Variants in DGKB observed in about 807,000 individuals in gnomAD.
DGKB encodes 90 kDa diacylglycerol kinase.
In DGKB, 67 loss-of-function variants were observed where a neutral mutation model predicts 114.3. The ratio of observed to expected loss-of-function variants is 0.59; its 90% CI spans 0.48 to 0.72. DGKB has a LOEUF of 0.72. DGKB is among the 30% of genes least tolerant of loss of function. DGKB has a pLI of 0.00. For synonymous variants in DGKB, 398 were observed against 323.1 expected (o/e 1.23, Z -2.49); for missense variants, 907 against 975.2 (o/e 0.93, Z 0.93).
intron 1 of DGKB, among the ~76,000 whole-genome samples, chr7:14,861,298 AT>A (rs985008447): frequency 1.3e-5 from 2 of 150,436 alleles, no homozygotes. Context: ...TACTACATAG[AT>A]TTTTTGAGTA....
intron 17 of DGKB, among the ~76,000 whole-genome samples, chr7:14,588,579 C>G (rs557515733): frequency 1.3e-5 from 2 of 152,252 alleles, no homozygotes; most frequent in Non-Finnish European, 2.9e-5. Flanking sequence ...GGCCCTCCCT[C>G]TCTTCCTTTC....
chr7:14,334,626 T>G (rs1583254928), intron 23 of DGKB, among the ~76,000 whole-genome samples: 1 of 152,056 alleles, frequency 6.6e-6, no homozygotes, highest in East Asian at 1.9e-4. Flanking sequence ...GCAGAGGAAT[T>G]GCAGTTATAA....
chr7:14,378,339 C>A (rs1019712397), intron 21 of DGKB, among the ~76,000 whole-genome samples: 1 of 151,862 alleles, frequency 6.6e-6, no homozygotes, highest in African/African-American at 2.4e-5. Flanking sequence ...TCAAAAAGCA[C>A]GATAATATTA....
intron 20 of DGKB, among the ~76,000 whole-genome samples, chr7:14,546,744 G>T (rs946755565): frequency 8.5e-5 from 13 of 152,164 alleles, no homozygotes; most frequent in African/African-American, 3.1e-4. Flanking sequence ...TGACCTGAAA[G>T]ATGCAACAAG....
At chr7:14,608,524 G>A (rs1027422677) in intron 16 of DGKB, among the ~76,000 whole-genome samples, 3 of 151,864 alleles carry the variant, frequency 2.0e-5, no homozygotes, top group African/African-American at 7.2e-5. Flanking sequence ...CTTCAAAACT[G>A]GAACAAAACA....
intron 21 of DGKB, among the ~76,000 whole-genome samples, chr7:14,442,986 A>T (rs1263107968): frequency 6.6e-6 from 1 of 152,154 alleles, no homozygotes; most frequent in Non-Finnish European, 1.5e-5. Flanking sequence ...GGTTTACCTG[A>T]TAATTCTTGA....
At chr7:14,857,248 C>CTGTGTGTTTGTGTGTGTGTGTGTGTG (rs1554308182) in intron 1 of DGKB, among the ~76,000 whole-genome samples, 2 of 23,538 alleles carry the variant, frequency 8.5e-5, no homozygotes, top group African/African-American at 7.2e-4. Context: ...CAACCCCCTG[C>CTGTGTGTTTGTGTGTGTGTGTGTGTG]TGTGTGTGTT....
At chr7:14,624,028 T>C (rs1393110175) in intron 14 of DGKB, among the ~76,000 whole-genome samples, 1 of 152,202 alleles carries the variant, frequency 6.6e-6, no homozygotes, top group South Asian at 2.1e-4. Context: ...GTATTCAATA[T>C]AACAGTTACT....
intron 20 of DGKB, among the ~76,000 whole-genome samples, chr7:14,538,085 CAAAAAAAAAAAAA>C (rs58405374): frequency 2.2e-5 from 1 of 44,798 alleles, no homozygotes; most frequent in Admixed American, 3.4e-4. Flanking sequence ...ATCTCTGTCT[CAAAAAAAAAAAAA>C]AAAAAAAAAA....
chr7:14,881,962 T>A (rs217575), intron 1 of DGKB, among the ~76,000 whole-genome samples: 2 of 151,838 alleles, frequency 1.3e-5, no homozygotes, highest in African/African-American at 2.4e-5. Context: ...TAATTTTTTT[T>A]AATCAGTCCT....
At chr7:14,713,358 ATTTC>A (rs1393702694) in intron 6 of DGKB, among the ~76,000 whole-genome samples, 1 of 152,086 alleles carries the variant, frequency 6.6e-6, no homozygotes, top group Non-Finnish European at 1.5e-5. Flanking sequence ...TTAAGCTGGA[ATTTC>A]TTTAATTCAC....
chr7:14,271,653 G>A (rs1798282425), intron 23 of DGKB, among the ~76,000 whole-genome samples: 1 of 152,118 alleles, frequency 6.6e-6, no homozygotes, highest in Non-Finnish European at 1.5e-5. Flanking sequence ...TAAAATAATG[G>A]CAAAGCACAT....
intron 1 of DGKB, among the ~76,000 whole-genome samples, chr7:14,892,214 G>C (rs1407909713): frequency 6.6e-6 from 1 of 151,300 alleles, no homozygotes; most frequent in African/African-American, 2.4e-5. Context: ...AAGTGGAGAA[G>C]TTCCAGGTAA....
intron 23 of DGKB, among the ~76,000 whole-genome samples, chr7:14,202,634 A>C (rs114495078): frequency 2.0e-5 from 3 of 152,122 alleles, no homozygotes; most frequent in South Asian, 4.1e-4. Flanking sequence ...AATATAAAAA[A>C]ATATTATATA....
intron 20 of DGKB, among the ~76,000 whole-genome samples, chr7:14,511,843 C>T (rs926342682): frequency 6.6e-6 from 1 of 152,034 alleles, no homozygotes; most frequent in Non-Finnish European, 1.5e-5. Flanking sequence ...AACAGGGAGG[C>T]CCGAGAAGAA....
intron 1 of DGKB, among the ~76,000 whole-genome samples, chr7:14,972,484 CTCTT>C (rs1386282946): frequency 1.3e-5 from 2 of 152,124 alleles, no homozygotes; most frequent in African/African-American, 2.4e-5. Flanking sequence ...TTGCTATCTT[CTCTT>C]TCTGTCTTGC....
chr7:14,875,109 T>G (rs1853075155), intron 1 of DGKB, among the ~76,000 whole-genome samples: 1 of 151,980 alleles, frequency 6.6e-6, no homozygotes, highest in Non-Finnish European at 1.5e-5. Flanking sequence ...TGAATTCCCC[T>G]GAAAGCCATA....
At chr7:14,720,473 T>TGTGTGTGTGTG (rs1564008723) in intron 5 of DGKB, among the ~76,000 whole-genome samples, 2 of 136,560 alleles carry the variant, frequency 1.5e-5, no homozygotes, top group African/African-American at 2.8e-5. Context: ...CCCGGCTGAT[T>TGTGTGTGTGTG]TGTGTGTGTG....
intron 13 of DGKB, among the ~76,000 whole-genome samples, chr7:14,646,210 G>A (rs1812968221): frequency 2.0e-5 from 3 of 152,112 alleles, no homozygotes; most frequent in Admixed American, 2.0e-4. Context: ...CGAAAAGTAG[G>A]CAGGATTATC....
Sources: allele counts gnomAD v4.1 joint callset (sites outside exome capture counted in the v4.1 genomes callset), GRCh38; gene constraint gnomAD v4.1.1; transcripts MANE v1.5; gene names NCBI Gene and HGNC (gene_info 2026-07-23, HGNC 2026-07-21).